The following VSTM1 variants were observed in gnomAD, a reference collection of about 807,000 sequenced individuals.
VSTM1 encodes V-set and transmembrane domain containing 1, also known as V-set and transmembrane domain-containing protein 1.
A neutral mutation model predicts 33.1 loss-of-function variants in VSTM1; 27 were observed. The observed-to-expected ratio is 0.82, with a 90% CI of 0.60 to 1.12. The LOEUF is 1.12. Among genes scored for constraint, VSTM1 ranks in the 50% most tolerant of loss-of-function variants. The probability of loss-of-function intolerance (pLI) is 0.00; values close to 1 mark genes in which losing one functional copy is unlikely to be tolerated. For missense variants in VSTM1, 304 were observed against 288.9 expected (o/e 1.05, Z -0.38); for synonymous variants, 115 against 110.3 (o/e 1.04, Z -0.27).
intron 4 of VSTM1, among the ~76,000 whole-genome samples, chr19:54,043,666 C>T (rs2070432338): frequency 6.6e-6 from 1 of 152,178 alleles, no homozygotes; most frequent in African/African-American, 2.4e-5. Flanking sequence ...CCTGCCTCGG[C>T]CTCCCAAAGT....
chr19:54,042,294 T>C lies in VSTM1; in HGVS notation c.470A>G (p.Tyr157Cys). 6.2e-7 allele frequency: 1 copy of C among 1,613,658 alleles called. No individual in the cohort carries two copies. Among genetic ancestry groups the C allele is most frequent in the Admixed American group, 1.7e-5 (1 of 59,952 alleles). The change falls in exon 5 of 9, where the codon TAC becomes TGC. Residue 157 changes from tyrosine to cysteine, a missense_variant. Coordinates refer to ENST00000338372, the MANE Select transcript of VSTM1 (RefSeq NM_198481.4). ...LLLFLSVFII[Y>C]RCSQHSSSSE... is the part of the protein sequence containing the mutation. Reference sequence around the variant, plus strand: ...GAGCTCACTGTGCTGGCTGCATCTGTAGATGATGAAGACTGAGAGGAAGAG... The same window carrying C: ...GAGCTCACTGTGCTGGCTGCATCTGCAGATGATGAAGACTGAGAGGAAGAG...
intron 3 of VSTM1, among the ~76,000 whole-genome samples, chr19:54,056,287 T>C (rs1002913942): frequency 2.4e-5 from 3 of 122,750 alleles, no homozygotes; most frequent in East Asian, 4.9e-4. Context: ...AGTGGCACGA[T>C]CTTGGCTCAC....
chr19:54,043,249 G>A (rs1266220870), intron 4 of VSTM1, among the ~76,000 whole-genome samples: 1 of 152,030 alleles, frequency 6.6e-6, no homozygotes, highest in South Asian at 2.1e-4. Flanking sequence ...GTCCCCCAAG[G>A]TGGAAGGAAT....
intron 4 of VSTM1, among the ~76,000 whole-genome samples, chr19:54,044,237 T>C (rs1383505101): frequency 1.3e-5 from 2 of 152,002 alleles, no homozygotes; most frequent in Non-Finnish European, 1.5e-5. Flanking sequence ...GGATTCCTAA[T>C]AAGAACAGGG....
chr19:54,044,765 G>A (rs4806696), intron 4 of VSTM1, among the ~76,000 whole-genome samples: 73,168 of 151,988 alleles, frequency 0.48, 18,327 homozygotes, highest in African/African-American at 0.58. Flanking sequence ...TGGGATTACA[G>A]CAAGGGTTGT....
At chr19:54,047,328 T>C (rs1464436315) in intron 4 of VSTM1, among the ~76,000 whole-genome samples, 1 of 151,728 alleles carries the variant, frequency 6.6e-6, no homozygotes, top group Non-Finnish European at 1.5e-5. Flanking sequence ...ACAGTCTCAC[T>C]CTGTCTCCCA....
intron 3 of VSTM1, among the ~76,000 whole-genome samples, chr19:54,052,043 G>A (rs1378604356): frequency 6.6e-6 from 1 of 152,132 alleles, no homozygotes. Context: ...TTCCAGGCAT[G>A]AGCCACTGCA....
At chr19:54,048,706 G>T (rs1413615622) in intron 4 of VSTM1, among the ~76,000 whole-genome samples, 1 of 152,156 alleles carries the variant, frequency 6.6e-6, no homozygotes, top group South Asian at 2.1e-4. Flanking sequence ...TTACAGCGCG[G>T]AGACAAACAG....
chr19:54,054,528 T>C (rs576162872), intron 3 of VSTM1, among the ~76,000 whole-genome samples: 4 of 142,846 alleles, frequency 2.8e-5, no homozygotes, highest in Non-Finnish European at 6.2e-5. Flanking sequence ...CACTGATGAC[T>C]GTAAAGTCTC....
At chr19:54,056,214 C>CTTTTCTTTTTTTTTT (rs2071087721) in intron 3 of VSTM1, among the ~76,000 whole-genome samples, 1 of 39,180 alleles carries the variant, frequency 2.6e-5, no homozygotes, top group African/African-American at 9.7e-5. Flanking sequence ...CTTTTCTTTT[C>CTTTTCTTTTTTTTTT]TTTTTTTTTT....
At chr19:54,051,268 G>T (rs1464386207) in intron 4 of VSTM1, 142 bp downstream of exon 4, 2 of 777,686 alleles carry the variant, frequency 2.6e-6, no homozygotes, top group East Asian at 3.0e-5. Flanking sequence ...CTCCAGCCTT[G>T]GTGACAAAGC....
At chr19:54,061,591 T>C (rs1462506690) in intron 1 of VSTM1, among the ~76,000 whole-genome samples, 1 of 152,002 alleles carries the variant, frequency 6.6e-6, no homozygotes, top group East Asian at 1.9e-4. Flanking sequence ...GATAGGAGAA[T>C]TGCTTGAGCC....
intron 1 of VSTM1, among the ~76,000 whole-genome samples, chr19:54,060,459 C>A (rs546267703): frequency 6.6e-6 from 1 of 152,068 alleles, no homozygotes; most frequent in East Asian, 1.9e-4. Flanking sequence ...CGATACAGAA[C>A]GTGACCCCCC....
chr19:54,045,888 ATCTG>A (rs372520370), intron 4 of VSTM1, among the ~76,000 whole-genome samples: 33 of 152,202 alleles, frequency 2.2e-4, no homozygotes, highest in South Asian at 4.1e-4. Flanking sequence ...ATATCTAATT[ATCTG>A]TCTATCTAAT....
chr19:54,056,214 C>CTTTTTTTTTTTTTTTTTTTTTTTTTTT (rs869203085), intron 3 of VSTM1, among the ~76,000 whole-genome samples: 2 of 39,182 alleles, frequency 5.1e-5, no homozygotes, highest in African/African-American at 9.7e-5. Context: ...CTTTTCTTTT[C>CTTTTTTTTTTTTTTTTTTTTTTTTTTT]TTTTTTTTTT....
intron 1 of VSTM1, among the ~76,000 whole-genome samples, chr19:54,063,336 T>TCATAAATAAATGCATACATA (rs1439781896): frequency 1.3e-5 from 2 of 152,072 alleles, no homozygotes; most frequent in Non-Finnish European, 2.9e-5. Context: ...AGACTCTGTC[T>TCATAAATAAATGCATACATA]CATAAATAAA....
chr19:54,042,469 T>C lies in VSTM1; in HGVS notation c.395-100A>G, dbSNP rs536752453. On this transcript the variant is annotated intron_variant, in intron 4 of 8. Coordinates refer to ENST00000338372, the MANE Select transcript of VSTM1 (RefSeq NM_198481.4). ...AGAGAAGCCAGACAGATGGCCTGGC[T>C]TCCAAGCCTGGATCTCCCACCTCGG... is the stretch of plus-strand genomic sequence containing the variant. 2.2e-3 allele frequency: 3,269 copies of C among 1,476,238 alleles called. 8 individuals carry two copies. Among genetic ancestry groups the C allele is most frequent in the Non-Finnish European group, 2.1e-3 (2,298 of 1,113,890 alleles). 91.4% of individuals were successfully genotyped at this position (1,476,238 alleles called of 1,614,324 possible).
At chr19:54,063,537 T>C (rs192283508) in intron 1 of VSTM1, among the ~76,000 whole-genome samples, 1 of 152,262 alleles carries the variant, frequency 6.6e-6, no homozygotes, top group Non-Finnish European at 1.5e-5. Flanking sequence ...CAGCGGAGTC[T>C]GTCCCCGTGT....
rs759061818 is a variant in VSTM1, at chr19:54,058,312, C to A, written c.349G>T (p.Val117Phe). 1.2e-6 allele frequency: 2 copies of A among 1,613,660 alleles called. No homozygotes were observed. The highest frequency in any genetic ancestry group is 1.7e-6 in the Non-Finnish European group (2 of 1,179,828). ...SESSEHLQLV[V>F]TDKHDELEAP... ...GTACATCTGCCCTTCTCACCTGTGA[C>A]CACCAGCTGCAAGTGTTCACTGCTT... Residue 117 changes from valine (V) to phenylalanine (F), a missense_variant, in exon 3 of 9, where the codon GTC (valine) becomes TTC (phenylalanine). By Grantham distance (50) the Val-to-Phe change is conservative. Coordinates refer to ENST00000338372, the MANE Select transcript of VSTM1 (RefSeq NM_198481.4).
Sources: allele counts gnomAD v4.1 joint callset (sites outside exome capture counted in the v4.1 genomes callset), GRCh38; gene constraint gnomAD v4.1.1; transcripts MANE v1.5; gene names NCBI Gene and HGNC (gene_info 2026-07-23, HGNC 2026-07-21).